The following C1orf105 variants were observed in gnomAD, a reference collection of about 807,000 sequenced individuals.
The protein encoded by C1orf105 is uncharacterized protein C1orf105.
C1orf105 carries 17 observed loss-of-function variants against 20.8 expected under a neutral mutation model. The ratio of observed to expected loss-of-function variants is 0.82; its 90% CI spans 0.56 to 1.23. C1orf105 has a LOEUF of 1.23. Among genes scored for constraint, C1orf105 ranks in the 50% most tolerant of loss-of-function variants. C1orf105 has a pLI of 0.00. For missense variants in C1orf105, 219 were observed against 213.5 expected (o/e 1.03, Z -0.16); for synonymous variants, 72 against 72.1 (o/e 1.00, Z 0.01).
chr1:172,436,469 C>T (rs1162401804), intron 1 of C1orf105, among the ~76,000 whole-genome samples: 3 of 152,164 alleles, frequency 2.0e-5, no homozygotes, highest in African/African-American at 7.2e-5. Flanking sequence ...TTTGACAAAC[C>T]TGACCAAAAC....
At chr1:172,445,545 G>A (rs1647891472) in intron 2 of C1orf105, among the ~76,000 whole-genome samples, 1 of 152,158 alleles carries the variant, frequency 6.6e-6, no homozygotes, top group African/African-American at 2.4e-5. Flanking sequence ...TTATAGAATA[G>A]TAACTCTGTA....
rs188346296 is a variant in C1orf105, at chr1:172,468,350, G to A, written c.407-99G>A. 2.1e-3 allele frequency: 1,947 copies of A among 907,798 alleles called. 4 individuals carry two copies. The highest frequency in any genetic ancestry group is 2.7e-3 in the Non-Finnish European group (1,698 of 638,356). The allele number at this position is 907,798 out of a possible 1,614,324, so 56.2% of individuals were successfully genotyped here. On this transcript the variant is annotated intron_variant, in intron 6 of 6. Coordinates refer to ENST00000367727, the MANE Select transcript of C1orf105 (RefSeq NM_139240.4). ...GTGAATTTTAAATCTGTTTTATAAG[G>A]TTGAAGAAGTCTTTGTTGGCCTGTG...
intron 2 of C1orf105, among the ~76,000 whole-genome samples, chr1:172,445,896 A>G (rs1183048936): frequency 6.6e-6 from 1 of 152,180 alleles, no homozygotes; most frequent in Non-Finnish European, 1.5e-5. Context: ...CTAAAAAGGA[A>G]TGACTCCTTG....
At chr1:172,439,162 A>T (rs2072135329) in intron 1 of C1orf105, among the ~76,000 whole-genome samples, 1 of 152,202 alleles carries the variant, frequency 6.6e-6, no homozygotes, top group Admixed American at 6.5e-5. Flanking sequence ...ATATTGGTGC[A>T]CATATATGTG....
At chr1:172,446,039 C>T (rs1448844430) in intron 2 of C1orf105, among the ~76,000 whole-genome samples, 1 of 152,100 alleles carries the variant, frequency 6.6e-6, no homozygotes, top group Non-Finnish European at 1.5e-5. Flanking sequence ...TCTCCACATC[C>T]CCACTTTAGT....
At chr1:172,437,837 T>C (rs994931707) in intron 1 of C1orf105, among the ~76,000 whole-genome samples, 1 of 151,922 alleles carries the variant, frequency 6.6e-6, no homozygotes, top group African/African-American at 2.4e-5. Context: ...TCAATGTAGA[T>C]AAAAAAGCCT....
chr1:172,430,382 T>C, intron 1 of C1orf105: 1 of 645,870 alleles, frequency 1.5e-6, no homozygotes. Context: ...GGCTCTGGAT[T>C]GCTTGACATT....
At chr1:172,453,818 T>C (rs1258841523) in intron 3 of C1orf105, among the ~76,000 whole-genome samples, 1 of 152,136 alleles carries the variant, frequency 6.6e-6, no homozygotes, top group Admixed American at 6.5e-5. Context: ...GGGTGAGAAA[T>C]GGTAGCAGCC....
rs568400774 is a variant in C1orf105, at chr1:172,442,658, C to A, written c.22-2415C>A. The A allele has an allele frequency of 5.8e-6, 9 of 1,563,236 alleles. No individual in the cohort carries two copies. The East Asian group carries it at 1.6e-4, about 27-fold the overall frequency. On this transcript the variant is annotated intron_variant, in intron 1 of 6. Transcript: ENST00000367727. ...TTCAAACTCAGGCCAGTTTAATCAT[C>A]GCCCTCACAGAAGTCCAGGTGGTTC... is the stretch of plus-strand genomic sequence containing the variant.
intron 3 of C1orf105, among the ~76,000 whole-genome samples, chr1:172,454,859 C>A (rs1303116627): frequency 1.3e-5 from 2 of 152,200 alleles, no homozygotes; most frequent in Non-Finnish European, 2.9e-5. Context: ...GGATGGTGAG[C>A]AGCTTGAGGT....
chr1:172,447,436 CCTT>C, intron 2 of C1orf105, among the ~76,000 whole-genome samples: 1 of 152,290 alleles, frequency 6.6e-6, no homozygotes, highest in South Asian at 2.1e-4. Flanking sequence ...TCTCCAAAGC[CCTT>C]CAAGTCACAC....
rs757613796 is a variant in C1orf105, at chr1:172,445,115, G to T, written c.64G>T (p.Ala22Ser). The change falls in exon 2 of 7, where the codon GCC (alanine) becomes TCC (serine). Residue 22 changes from alanine (A) to serine (S), a missense_variant. Transcript: ENST00000367727. Reference protein sequence around the residue: ...KFDKIPWLSEASLVNKPLVLS... With the variant: ...KFDKIPWLSESSLVNKPLVLS... ...TGACAAGATTCCTTGGCTTAGTGAG[G>T]CCAGCCTTGTAAACAAGCCATTAGT... 6.2e-7 allele frequency: 1 copy of T among 1,613,472 alleles called. No homozygotes were observed. Among genetic ancestry groups the T allele is most frequent in the Non-Finnish European group, 8.5e-7 (1 of 1,179,788 alleles).
At position 172,468,557 on chromosome 1, in the gene C1orf105, C is replaced by G; in HGVS notation, c.515C>G (p.Pro172Arg). 1 of 1,613,868 alleles carries G rather than the reference C, an allele frequency of 6.2e-7. No individual in the cohort carries two copies. The change falls in exon 7 of 7, where the codon CCC becomes CGC. Residue 172 changes from proline to arginine, a missense_variant. Pro to Arg is a moderately radical substitution (Grantham distance 103). Coordinates refer to ENST00000367727, the MANE Select transcript of C1orf105 (RefSeq NM_139240.4). ...TLKERQRSSL[P>R]RKEPIGKTTR... ...AAAGAGAGACAACGTTCTTCCTTGCCCAGAAAGGAACCAATAGGCAAGACA... is the reference window on the plus strand; with the variant it reads ...AAAGAGAGACAACGTTCTTCCTTGCGCAGAAAGGAACCAATAGGCAAGACA...
intron 3 of C1orf105, among the ~76,000 whole-genome samples, chr1:172,453,883 C>T (rs966748413): frequency 1.2e-4 from 19 of 152,282 alleles, no homozygotes; most frequent in African/African-American, 4.1e-4. Flanking sequence ...AAATGAGTAG[C>T]TATCAAGGCC....
chr1:172,465,482 C>A, intron 6 of C1orf105, 119 bp downstream of exon 6: 2 of 810,000 alleles, frequency 2.5e-6, no homozygotes, highest in South Asian at 2.8e-5. Flanking sequence ...ACTTTCTATC[C>A]CTTTCTCTTT....
chr1:172,450,167 T>C (rs568480588), intron 3 of C1orf105, among the ~76,000 whole-genome samples: 55 of 152,370 alleles, frequency 3.6e-4, no homozygotes, highest in African/African-American at 1.3e-3. Flanking sequence ...GTTTCCCGGC[T>C]GACCCGTGAG....
chr1:172,467,522 A>T (rs566733218), intron 6 of C1orf105, among the ~76,000 whole-genome samples: 1 of 152,294 alleles, frequency 6.6e-6, no homozygotes, highest in African/African-American at 2.4e-5. Context: ...ACCACCTCAT[A>T]GGGGCCTACC....
intron 3 of C1orf105, among the ~76,000 whole-genome samples, chr1:172,449,434 T>A (rs1648366035): frequency 6.6e-6 from 1 of 152,030 alleles, no homozygotes; most frequent in African/African-American, 2.4e-5. Flanking sequence ...GGAAGTGGCA[T>A]CTGCACTGGA....
chr1:172,448,888 C>T (rs781610434), intron 3 of C1orf105, among the ~76,000 whole-genome samples: 1 of 152,152 alleles, frequency 6.6e-6, no homozygotes, highest in Non-Finnish European at 1.5e-5. Context: ...TGTCTCCCAC[C>T]TACAACTCCC....
Sources: gnomAD v4.1 joint callset for allele counts (sites outside exome capture counted in the v4.1 genomes callset) on GRCh38, gnomAD v4.1.1 for gene constraint, MANE v1.5 for transcripts, NCBI Gene and HGNC (gene_info 2026-07-23, HGNC 2026-07-21) for gene names.